PRKCA: variants seen among roughly 807,000 people sequenced by gnomAD.
PRKCA encodes the protein protein kinase C alpha.
Under a neutral mutation model 87.0 loss-of-function variants are expected in PRKCA, and 27 were observed. The ratio of observed to expected loss-of-function variants is 0.31; its 90% confidence interval spans 0.23 to 0.43. PRKCA has a LOEUF of 0.43. PRKCA is among the 20% of genes least tolerant of loss of function. PRKCA has a pLI of 1.00. For synonymous variants in PRKCA, 329 were observed against 311.1 expected (o/e 1.06, Z -0.61); for missense variants, 518 against 852.3 (o/e 0.61, Z 4.88).
intron 11 of PRKCA, 107 bp from the exon 12 acceptor site, chr17:66,741,552 C>G (rs1312336028): frequency 8.1e-7 from 1 of 1,232,100 alleles, no homozygotes; most frequent in Non-Finnish European, 1.2e-6. Flanking sequence ...CTGAGAGCCT[C>G]TGGGTCTGAC....
chr17:66,755,430 T>G (rs932503824), intron 13 of PRKCA, among the ~76,000 whole-genome samples: 1 of 152,204 alleles, frequency 6.6e-6, no homozygotes, highest in African/African-American at 2.4e-5. Flanking sequence ...CTGGGGCCAC[T>G]TCACGCTCCT....
intron 3 of PRKCA, among the ~76,000 whole-genome samples, chr17:66,577,861 G>A (rs1969289045): frequency 6.6e-6 from 1 of 151,918 alleles, no homozygotes; most frequent in Non-Finnish European, 1.5e-5. Context: ...GTGGGGTGCT[G>A]CCCTAGCCTG....
intron 2 of PRKCA, among the ~76,000 whole-genome samples, chr17:66,442,118 G>T (rs1442600443): frequency 6.6e-6 from 1 of 151,488 alleles, no homozygotes; most frequent in East Asian, 1.9e-4. Flanking sequence ...TGTGAGTGCA[G>T]TGGCACGATC....
intron 3 of PRKCA, among the ~76,000 whole-genome samples, chr17:66,625,163 C>T (rs1212652991): frequency 6.6e-6 from 1 of 152,174 alleles, no homozygotes; most frequent in Non-Finnish European, 1.5e-5. Flanking sequence ...CAATTAAGTT[C>T]TTTATGATAT....
At chr17:66,623,695 G>A (rs1041412276) in intron 3 of PRKCA, among the ~76,000 whole-genome samples, 7 of 152,158 alleles carry the variant, frequency 4.6e-5, no homozygotes, top group Admixed American at 1.3e-4. Context: ...AAACAAAAAT[G>A]GAATAAGAAA....
At chr17:66,690,568 C>G (rs1441386901) in intron 8 of PRKCA, among the ~76,000 whole-genome samples, 1 of 152,122 alleles carries the variant, frequency 6.6e-6, no homozygotes, top group Non-Finnish European at 1.5e-5. Flanking sequence ...TGCAGTGGCT[C>G]ACTTCTGTAA....
rs185459480 is a variant in PRKCA, at chr17:66,661,980, C to T, written c.529+16469C>T. Among the ~76,000 whole-genome samples, 57 of 152,336 alleles carry T rather than the reference C, an allele frequency of 3.7e-4. 1 individual carries two copies. The highest frequency in any genetic ancestry group is 1.7e-3 in the East Asian group (9 of 5,182). On this transcript the variant is annotated intron_variant, in intron 5 of 16. Transcript: ENST00000413366. ...CCTTACCCCTGGAGCTTTTCTTTCA[C>T]GAGGAATTCCTACTGCGAGAATAAA...
At chr17:66,357,604 G>A (rs1908141625) in intron 2 of PRKCA, among the ~76,000 whole-genome samples, 1 of 152,136 alleles carries the variant, frequency 6.6e-6, no homozygotes, top group South Asian at 2.1e-4. Flanking sequence ...GTGGTTTTTG[G>A]ATAAGTAATT....
intron 4 of PRKCA, among the ~76,000 whole-genome samples, chr17:66,643,680 C>T (rs1051559473): frequency 2.0e-5 from 3 of 152,090 alleles, no homozygotes; most frequent in Non-Finnish European, 2.9e-5. Context: ...CTGTGGCTGC[C>T]GCCTGTGCTC....
chr17:66,592,983 G>T (rs1969857253), intron 3 of PRKCA, among the ~76,000 whole-genome samples: 1 of 152,006 alleles, frequency 6.6e-6, no homozygotes, highest in South Asian at 2.1e-4. Context: ...GTAGAGACAG[G>T]GTTTCACCAC....
At chr17:66,664,202 G>A (rs533849632) in intron 5 of PRKCA, among the ~76,000 whole-genome samples, 2 of 152,238 alleles carry the variant, frequency 1.3e-5, no homozygotes, top group South Asian at 4.1e-4. Context: ...GGGATTGGTG[G>A]TTTGGGAGGC....
At chr17:66,588,635 C>CTTTTTT (rs397856363) in intron 3 of PRKCA, among the ~76,000 whole-genome samples, 8 of 39,108 alleles carry the variant, frequency 2.0e-4, no homozygotes, top group African/African-American at 5.9e-4. Flanking sequence ...TTTTGCTTTG[C>CTTTTTT]TTTTTTTTTT....
intron 16 of PRKCA, among the ~76,000 whole-genome samples, chr17:66,791,067 A>G (rs1397899693): frequency 6.6e-6 from 1 of 151,444 alleles, no homozygotes; most frequent in Non-Finnish European, 1.5e-5. Flanking sequence ...TTACATATGT[A>G]TACATGTGCC....
Position 66,732,673 on chromosome 17 carries a change from G to A in PRKCA, c.919-15G>A. 6.2e-7 allele frequency: 1 copy of A among 1,613,850 alleles called. No individual in the cohort carries two copies. The highest frequency in any genetic ancestry group is 8.5e-7 in the Non-Finnish European group (1 of 1,179,904). ...AAAATGACCCACGTGTTTCCCATTT[G>A]TGCTTGTTATTTAGAAAGCCAAACT... On this transcript the variant is annotated splice_polypyrimidine_tract_variant and intron_variant, in intron 8 of 16. Coordinates refer to ENST00000413366, the MANE Select transcript of PRKCA (RefSeq NM_002737.3).
chr17:66,375,723 A>T (rs1909380931), intron 2 of PRKCA, among the ~76,000 whole-genome samples: 1 of 152,128 alleles, frequency 6.6e-6, no homozygotes, highest in African/African-American at 2.4e-5. Flanking sequence ...CTACAAAGGA[A>T]ATGTTAATTT....
At position 66,786,917 on chromosome 17, in the gene PRKCA, G is replaced by A. The variant is rs779171733; in HGVS notation, c.1656G>A (p.Glu552=). Residue 552 remains glutamate, a synonymous_variant, in exon 15 of 17, where the codon GAG becomes GAA. Transcript: ENST00000413366. The part of the protein sequence containing the change: ...DEDELFQSIM[E]HNVSYPKSLS... Reference sequence around the variant, plus strand: ...ACGAGCTATTTCAGTCTATCATGGAGCACAACGTTTCCTATCCAAAATCCT... The same window carrying A: ...ACGAGCTATTTCAGTCTATCATGGAACACAACGTTTCCTATCCAAAATCCT... The A allele has an allele frequency of 6.2e-7, 1 of 1,614,150 alleles. No individual in the cohort carries two copies. Among genetic ancestry groups the A allele is most frequent in the Non-Finnish European group, 8.5e-7 (1 of 1,180,012 alleles).
chr17:66,445,741 T>C (rs970625286), intron 2 of PRKCA, among the ~76,000 whole-genome samples: 8 of 152,088 alleles, frequency 5.3e-5, no homozygotes, highest in Non-Finnish European at 1.0e-4. Context: ...AGTGCTGCTC[T>C]TTGGTGGTGT....
At chr17:66,720,186 C>A (rs1973578760) in intron 8 of PRKCA, among the ~76,000 whole-genome samples, 1 of 152,200 alleles carries the variant, frequency 6.6e-6, no homozygotes, top group African/African-American at 2.4e-5. Context: ...GAGTAGGGAG[C>A]CTCGGGGCTA....
At chr17:66,638,552 A>G (rs1971206542) in intron 3 of PRKCA, among the ~76,000 whole-genome samples, 1 of 152,146 alleles carries the variant, frequency 6.6e-6, no homozygotes, top group Non-Finnish European at 1.5e-5. Context: ...TGATTGAACT[A>G]TTTCAGAATT....
Sources: gnomAD v4.1 joint callset for allele counts (sites outside exome capture counted in the v4.1 genomes callset) on GRCh38, gnomAD v4.1.1 for gene constraint, MANE v1.5 for transcripts, NCBI Gene and HGNC (gene_info 2026-07-23, HGNC 2026-07-21) for gene names.